Variants in MBNL2 observed in about 807,000 individuals in gnomAD.
MBNL2 encodes the protein muscleblind like splicing regulator 2, also known as muscleblind-like protein 2.
Under a neutral mutation model 41.9 loss-of-function variants are expected in MBNL2, and 17 were observed. The ratio of observed to expected loss-of-function variants is 0.41; its 90% CI spans 0.28 to 0.61. The LOEUF (loss-of-function observed/expected upper bound fraction) is 0.61. MBNL2 is among the 20% of genes least tolerant of loss of function. The pLI is 0.35. For missense variants in MBNL2, 336 were observed against 505.6 expected (o/e 0.66, Z 3.22); for synonymous variants, 195 against 182.9 (o/e 1.07, Z -0.53).
upstream of MBNL2, among the ~76,000 whole-genome samples, chr13:97,216,943 T>A (rs2040420882): frequency 6.7e-6 from 1 of 149,296 alleles, no homozygotes; most frequent in Non-Finnish European, 1.5e-5. Flanking sequence ...ATGTATAATA[T>A]GCATATTATA....
chr13:97,332,059 G>T (rs2060479798), intron 2 of MBNL2, among the ~76,000 whole-genome samples: 1 of 152,210 alleles, frequency 6.6e-6, no homozygotes, highest in Non-Finnish European at 1.5e-5. Context: ...AGCCATACTG[G>T]TAGAAATGTG....
At chr13:97,345,210 G>A (rs977730968) in intron 4 of MBNL2, among the ~76,000 whole-genome samples, 1 of 151,912 alleles carries the variant, frequency 6.6e-6, no homozygotes. Flanking sequence ...TCATGTCAGG[G>A]GCCCTTCATA....
chr13:97,219,623 C>T (rs190785945), upstream of MBNL2, among the ~76,000 whole-genome samples: 3 of 152,210 alleles, frequency 2.0e-5, no homozygotes, highest in East Asian at 5.8e-4. Context: ...CAGAAGAACA[C>T]AAATCCCATC....
chr13:97,245,831 A>C (rs1213700903), intron 1 of MBNL2, among the ~76,000 whole-genome samples: 1 of 152,214 alleles, frequency 6.6e-6, no homozygotes, highest in Non-Finnish European at 1.5e-5. Flanking sequence ...CCACTGAAAC[A>C]AATCTGAAAT....
chr13:97,197,395 G>C, the MBNL2 span, among the ~76,000 whole-genome samples: 2 of 152,106 alleles, frequency 1.3e-5, no homozygotes, highest in African/African-American at 4.8e-5. Context: ...CTGGTTCCTA[G>C]TTATTGAGTT....
At chr13:97,336,706 G>A (rs1419526242) in intron 3 of MBNL2, among the ~76,000 whole-genome samples, 5 of 152,150 alleles carry the variant, frequency 3.3e-5, no homozygotes, top group East Asian at 3.9e-4. Context: ...CAGTGAAACC[G>A]ATTTGGAACT....
chr13:97,249,994 G>C (rs2046211616), intron 1 of MBNL2, among the ~76,000 whole-genome samples: 1 of 152,190 alleles, frequency 6.6e-6, no homozygotes, highest in African/African-American at 2.4e-5. Context: ...AAAGCTTTTT[G>C]CTGGCTTAGC....
intron 2 of MBNL2, among the ~76,000 whole-genome samples, chr13:97,297,134 A>C (rs1173719273): frequency 6.6e-6 from 1 of 152,102 alleles, no homozygotes; most frequent in African/African-American, 2.4e-5. Flanking sequence ...GCCTTACCTC[A>C]ATGCCTTTGT....
At chr13:97,363,309 G>A (rs565840010) in intron 7 of MBNL2, among the ~76,000 whole-genome samples, 8 of 152,218 alleles carry the variant, frequency 5.3e-5, no homozygotes, top group East Asian at 1.9e-4. Context: ...GAAATGTAGC[G>A]TAGATGAAAA....
the MBNL2 span, among the ~76,000 whole-genome samples, chr13:97,152,431 A>G: frequency 6.6e-6 from 1 of 152,186 alleles, no homozygotes; most frequent in South Asian, 2.1e-4. Context: ...GAGTTTTCAC[A>G]TTAAAAGTAC....
At chr13:97,368,700 T>TTG (rs140107508) in intron 8 of MBNL2, among the ~76,000 whole-genome samples, 6,720 of 148,336 alleles carry the variant, frequency 0.045, 317 homozygotes, top group African/African-American at 0.12. Context: ...ATATTCAAGT[T>TTG]TGTGTGTGTG....
chr13:97,348,039 T>G (rs2062048164), intron 5 of MBNL2, among the ~76,000 whole-genome samples: 1 of 151,924 alleles, frequency 6.6e-6, no homozygotes, highest in African/African-American at 2.4e-5. Flanking sequence ...TCTTATTTTC[T>G]TATTTAGTTG....
chr13:97,263,414 ATACT>A (rs2049033212), intron 1 of MBNL2, among the ~76,000 whole-genome samples: 1 of 152,260 alleles, frequency 6.6e-6, no homozygotes, highest in African/African-American at 2.4e-5. Flanking sequence ...CTACTTAGTG[ATACT>A]TAGGCAGACA....
At chr13:97,260,854 T>A (rs1476110410) in intron 1 of MBNL2, among the ~76,000 whole-genome samples, 1 of 152,098 alleles carries the variant, frequency 6.6e-6, no homozygotes, top group Non-Finnish European at 1.5e-5. Flanking sequence ...CTAACCTCCT[T>A]ATTTTTTTTT....
the MBNL2 span, among the ~76,000 whole-genome samples, chr13:97,179,851 G>A: frequency 1.2e-4 from 18 of 152,262 alleles, no homozygotes; most frequent in South Asian, 3.3e-3. Flanking sequence ...AGAGTTAGGG[G>A]GTCAGTGACC....
At chr13:97,304,732 C>T (rs1179857351) in intron 2 of MBNL2, among the ~76,000 whole-genome samples, 1 of 152,126 alleles carries the variant, frequency 6.6e-6, no homozygotes, top group Non-Finnish European at 1.5e-5. Flanking sequence ...CAGAGCTTTG[C>T]AAACTATTAA....
In MBNL2 at chr13:97,366,979, A is replaced by AT. The variant is rs1179316672; in HGVS notation, c.1048+1811dup. 6.6e-6 allele frequency among the ~76,000 whole-genome samples: 1 copy of AT among 152,126 alleles called. No homozygotes were observed. Among genetic ancestry groups the AT allele is most frequent in the Non-Finnish European group, 1.5e-5 (1 of 68,016 alleles). ...AAAATCTCCTCTTAGAAAGAGTCAT[A>AT]TTTGAGGCCTAAGTGTCATATTTGA... On this transcript the variant is annotated intron_variant, in intron 8 of 8. Transcript: ENST00000679496. This position sits in a 1 kb window ranked among gnomAD's most constrained non-coding sequence, Gnocchi z 4.7.
chr13:97,259,990 C>T (rs1594108327), intron 1 of MBNL2, among the ~76,000 whole-genome samples: 1 of 152,190 alleles, frequency 6.6e-6, no homozygotes, highest in African/African-American at 2.4e-5. Flanking sequence ...TACAGACAGA[C>T]CATCCCCTTA....
chr13:97,218,282 T>A (rs1218097355), upstream of MBNL2, among the ~76,000 whole-genome samples: 1 of 151,554 alleles, frequency 6.6e-6, no homozygotes, highest in Non-Finnish European at 1.5e-5. Flanking sequence ...TGGTGGCGGG[T>A]GCCTGTAGTC....
Sources: gnomAD v4.1 joint callset for allele counts (sites outside exome capture counted in the v4.1 genomes callset) on GRCh38, gnomAD v4.1.1 for gene constraint, Gnocchi (gnomAD v3.1) non-coding constraint, MANE v1.5 for transcripts, NCBI Gene and HGNC (gene_info 2026-07-23, HGNC 2026-07-21) for gene names.